The following NEGR1 variants were observed in gnomAD, a reference collection of about 807,000 sequenced individuals.
NEGR1 encodes IgLON family member 4.
A neutral mutation model predicts 40.9 loss-of-function variants in NEGR1; 10 were observed. The observed-to-expected ratio is 0.24, with a 90% CI of 0.15 to 0.42. The LOEUF is 0.42. NEGR1 is among the 10% of genes least tolerant of loss of function. The pLI is 1.00. For synonymous variants in NEGR1, 185 were observed against 166.8 expected, an observed-to-expected ratio of 1.11 and a Z score of -0.84; for missense variants, 352 against 438.9, an observed-to-expected ratio of 0.80 and a Z score of 1.77.
At chr1:71,853,176 C>T (rs1659660999) in intron 2 of NEGR1, among the ~76,000 whole-genome samples, 1 of 151,732 alleles carries the variant, frequency 6.6e-6, no homozygotes, top group South Asian at 2.1e-4. Context: ...AAGAGTATGC[C>T]CTCAGTGTTT....
At chr1:72,268,037 G>A (rs1335753575) in intron 1 of NEGR1, among the ~76,000 whole-genome samples, 2 of 151,344 alleles carry the variant, frequency 1.3e-5, no homozygotes, top group African/African-American at 2.4e-5. Context: ...AGGTCGCCAT[G>A]TCTTCAGACA....
At chr1:71,685,702 TC>T (rs1557612642) in intron 4 of NEGR1, among the ~76,000 whole-genome samples, 2 of 152,250 alleles carry the variant, frequency 1.3e-5, no homozygotes, top group East Asian at 3.9e-4. Flanking sequence ...TCCCCCTTCC[TC>T]CCCACACCAA....
At chr1:72,025,938 C>G (rs1452389416) in intron 1 of NEGR1, among the ~76,000 whole-genome samples, 26 of 150,616 alleles carry the variant, frequency 1.7e-4, no homozygotes, top group Non-Finnish European at 3.8e-4. Flanking sequence ...GGTGAAACCC[C>G]GTCTCTACTA....
intron 6 of NEGR1, among the ~76,000 whole-genome samples, chr1:71,416,605 C>A (rs922521831): frequency 2.6e-5 from 4 of 152,300 alleles, no homozygotes; most frequent in Middle Eastern, 3.4e-3. Flanking sequence ...ATTCTCTAAT[C>A]ATTACCATTA....
intron 4 of NEGR1, among the ~76,000 whole-genome samples, chr1:71,624,488 T>A (rs113569318): frequency 0.023 from 3,552 of 152,050 alleles, 115 homozygotes; most frequent in African/African-American, 0.074. Context: ...AGAGCCAAAT[T>A]CATTACAATG....
chr1:72,023,606 A>G (rs530800131), intron 1 of NEGR1, among the ~76,000 whole-genome samples: 1 of 151,178 alleles, frequency 6.6e-6, no homozygotes, highest in African/African-American at 2.4e-5. Flanking sequence ...AAGTTAATAT[A>G]ATTCTTCCAT....
intron 6 of NEGR1, among the ~76,000 whole-genome samples, chr1:71,493,190 A>C (rs1017265717): frequency 6.6e-6 from 1 of 152,160 alleles, no homozygotes; most frequent in Non-Finnish European, 1.5e-5. Flanking sequence ...ATTTCCTAGC[A>C]GATGTCTATG....
At chr1:71,615,027 T>C (rs1294178979) in intron 4 of NEGR1, among the ~76,000 whole-genome samples, 3 of 152,274 alleles carry the variant, frequency 2.0e-5, no homozygotes, top group Non-Finnish European at 4.4e-5. Context: ...TTGCAAGGTA[T>C]AGAGTTAAAG....
chr1:72,250,329 T>C (rs1421071165), intron 1 of NEGR1, among the ~76,000 whole-genome samples: 36 of 152,076 alleles, frequency 2.4e-4, no homozygotes, highest in Non-Finnish European at 3.8e-4. Context: ...CTCTGACTAA[T>C]ATACTACCCT....
chr1:72,092,720 G>A (rs946488648), intron 1 of NEGR1, among the ~76,000 whole-genome samples: 17 of 151,834 alleles, frequency 1.1e-4, no homozygotes, highest in Admixed American at 2.0e-4. Flanking sequence ...GTATATCTTC[G>A]TTCACTGCAG....
intron 1 of NEGR1, among the ~76,000 whole-genome samples, chr1:72,158,750 T>A (rs1343139356): frequency 6.6e-6 from 1 of 152,176 alleles, no homozygotes; most frequent in Non-Finnish European, 1.5e-5. Flanking sequence ...AACTGAGCTA[T>A]CATGTGAAAA....
chr1:72,129,314 T>G (rs1014398827), intron 1 of NEGR1, among the ~76,000 whole-genome samples: 45 of 152,318 alleles, frequency 3.0e-4, no homozygotes, highest in African/African-American at 1.0e-3. Flanking sequence ...AATCTAAAAT[T>G]TAGTTCCTTG....
chr1:72,087,624 T>A (rs888618717), intron 1 of NEGR1, among the ~76,000 whole-genome samples: 8 of 151,810 alleles, frequency 5.3e-5, no homozygotes, highest in Admixed American at 4.6e-4. Flanking sequence ...TGTATTTTTT[T>A]ATGTATTTAT....
intron 6 of NEGR1, among the ~76,000 whole-genome samples, chr1:71,550,845 C>A (rs1333150674): frequency 4.0e-5 from 6 of 151,540 alleles, no homozygotes; most frequent in Non-Finnish European, 7.4e-5. Flanking sequence ...CTGAAACATG[C>A]CAAATTATGA....
intron 4 of NEGR1, among the ~76,000 whole-genome samples, chr1:71,642,615 A>C (rs1485528564): frequency 6.9e-6 from 1 of 145,654 alleles, no homozygotes; most frequent in African/African-American, 2.5e-5. Context: ...CTATGCAGTC[A>C]AAAAAAAAAA....
intron 3 of NEGR1, among the ~76,000 whole-genome samples, chr1:71,741,766 C>T (rs918071157): frequency 1.3e-5 from 2 of 152,124 alleles, no homozygotes; most frequent in African/African-American, 4.8e-5. Context: ...GGCTTCTGCT[C>T]AGCTTCTGGG....
At chr1:71,488,852 C>T (rs188786421) in intron 6 of NEGR1, among the ~76,000 whole-genome samples, 234 of 151,822 alleles carry the variant, frequency 1.5e-3, no homozygotes, top group African/African-American at 5.4e-3. Context: ...GGTTTTTCTT[C>T]TCACAAAGAT....
chr1:71,978,960 TC>T (rs1646331050), intron 1 of NEGR1, among the ~76,000 whole-genome samples: 1 of 151,838 alleles, frequency 6.6e-6, no homozygotes, highest in African/African-American at 2.4e-5. Flanking sequence ...TACCTAAATG[TC>T]CATCAATGCT....
chr1:71,396,548 A>C lies in NEGR1; in HGVS notation c.*10898T>G, dbSNP rs1646212564. 1 of 152,154 alleles carries C rather than the reference A, an allele frequency of 6.6e-6. No homozygotes were observed. The highest frequency in any genetic ancestry group is 1.5e-5 in the Non-Finnish European group (1 of 68,020). 9.4% of individuals were successfully genotyped at this position (152,154 alleles called of 1,614,324 possible). A position where few individuals can be genotyped will look rare whatever the true frequency, so the allele number is the denominator to read the frequency against. ...GTGCCTCAACATAAAAATCAAAACC[A>C]TTTGATATTGTTTGGCCATGTCCCC... On this transcript the variant is annotated 3_prime_UTR_variant, in exon 7 of 7. Transcript: ENST00000357731.
Sources: gnomAD v4.1 joint callset for allele counts (sites outside exome capture counted in the v4.1 genomes callset) on GRCh38, gnomAD v4.1.1 for gene constraint, MANE v1.5 for transcripts, NCBI Gene and HGNC (gene_info 2026-07-23, HGNC 2026-07-21) for gene names.